The following PIGU variants were observed in gnomAD, a reference collection of about 807,000 sequenced individuals.
PIGU encodes the protein phosphatidylinositol glycan anchor biosynthesis class U, also known as GPI-anchor transamidase component PIGU.
A neutral mutation model predicts 49.9 loss-of-function variants in PIGU; 24 were observed. That is an observed-to-expected ratio of 0.48 (90% CI 0.35 to 0.68). PIGU has a LOEUF of 0.68. PIGU is among the 30% of genes least tolerant of loss of function. The pLI is 0.01. For missense variants in PIGU, 490 were observed against 532.6 expected (o/e 0.92, Z 0.79); for synonymous variants, 220 against 205.7 (o/e 1.07, Z -0.59).
intron 2 of PIGU, among the ~76,000 whole-genome samples, chr20:34,650,358 A>G (rs1247311259): frequency 6.7e-6 from 1 of 150,350 alleles, no homozygotes; most frequent in Non-Finnish European, 1.5e-5. Context: ...GCAACCTCCA[A>G]CTCCTGGGCT....
intron 11 of PIGU, among the ~76,000 whole-genome samples, chr20:34,567,496 C>T (rs956708798): frequency 6.6e-6 from 1 of 152,154 alleles, no homozygotes; most frequent in Non-Finnish European, 1.5e-5. Flanking sequence ...TTTGAGGAAA[C>T]TGAGGCCACC....
intron 2 of PIGU, among the ~76,000 whole-genome samples, chr20:34,645,540 G>C (rs1294931581): frequency 6.6e-6 from 1 of 152,088 alleles, no homozygotes; most frequent in East Asian, 1.9e-4. Context: ...GTGCTGCTGG[G>C]ACTATCTGTT....
rs111704801 is a variant in PIGU at position 34,645,075 on chromosome 20, C to T, written c.255+200G>A. ...TTTTCTTAAACACAAGATGACAAGCCGGGCACTGTGTCATGTGTCCATAGT... is the reference window on the plus strand; with the variant it reads ...TTTTCTTAAACACAAGATGACAAGCTGGGCACTGTGTCATGTGTCCATAGT... On this transcript the variant is annotated intron_variant, in intron 3 of 11. Transcript: ENST00000217446. Among the ~76,000 whole-genome samples, 658 of 150,930 alleles carry T rather than the reference C, an allele frequency of 4.4e-3. 2 individuals are homozygous for T. Among genetic ancestry groups the T allele is most frequent in the Non-Finnish European group, 8.0e-3 (541 of 67,862 alleles).
At position 34,655,602 on chromosome 20, in the gene PIGU, A is replaced by C. The variant is rs948580135; in HGVS notation, c.195+1578T>G. Among the ~76,000 whole-genome samples the C allele has an allele frequency of 2.5e-5, 3 of 121,554 alleles. 1 individual carries two copies. The highest frequency in any genetic ancestry group is 5.3e-5 in the Non-Finnish European group (3 of 56,694). 79.7% of individuals were successfully genotyped at this position (121,554 alleles called of 152,430 possible). On this transcript the variant is annotated intron_variant, in intron 2 of 11. Transcript: ENST00000217446. Reference sequence around the variant, plus strand: ...GGCAGGAGAATGGCGTGAACCCAGGAGGCAGAGCTTGCAGTGAGCCAAGAT... The same window carrying C: ...GGCAGGAGAATGGCGTGAACCCAGGCGGCAGAGCTTGCAGTGAGCCAAGAT...
chr20:34,653,432 T>C (rs1986605356), intron 2 of PIGU, among the ~76,000 whole-genome samples: 1 of 152,240 alleles, frequency 6.6e-6, no homozygotes, highest in Admixed American at 6.5e-5. Flanking sequence ...ATTTGATACA[T>C]AAGCATTTAG....
intron 1 of PIGU, among the ~76,000 whole-genome samples, chr20:34,662,187 C>T (rs1986948376): frequency 6.6e-6 from 1 of 152,120 alleles, no homozygotes; most frequent in Admixed American, 6.6e-5. Context: ...ATCCTCCCAC[C>T]TCAGCCTCTC....
chr20:34,619,567 C>T (rs569150893), intron 6 of PIGU, among the ~76,000 whole-genome samples: 70 of 152,330 alleles, frequency 4.6e-4, no homozygotes, highest in Non-Finnish European at 8.4e-4. Context: ...TGCTCCAACT[C>T]CATCCATTCC....
At chr20:34,620,643 C>T (rs1311057944) in intron 6 of PIGU, among the ~76,000 whole-genome samples, 1 of 151,822 alleles carries the variant, frequency 6.6e-6, no homozygotes, top group Non-Finnish European at 1.5e-5. Flanking sequence ...AACCCTGTTT[C>T]TACTAAAAAT....
intron 1 of PIGU, among the ~76,000 whole-genome samples, chr20:34,658,318 G>A (rs1205431128): frequency 2.6e-5 from 4 of 152,228 alleles, no homozygotes; most frequent in African/African-American, 9.6e-5. Flanking sequence ...AGGCTGGAGT[G>A]CAGTGGCGTG....
At chr20:34,637,738 T>C (rs1236518774) in intron 5 of PIGU, 138 bp downstream of exon 5, 4 of 1,489,984 alleles carry the variant, frequency 2.7e-6, no homozygotes, top group East Asian at 5.0e-5. Context: ...CAGAGCCCAG[T>C]TGTGCAACAG....
chr20:34,564,454 GCCCA>G (rs1036705359), intron 11 of PIGU, among the ~76,000 whole-genome samples: 3 of 152,216 alleles, frequency 2.0e-5, no homozygotes, highest in Non-Finnish European at 2.9e-5. Context: ...GATCCCTTAA[GCCCA>G]GGAGGTCGAC....
chr20:34,657,123 G>GGTGACT, intron 2 of PIGU, 57 bp downstream of exon 2: 1 of 1,291,910 alleles, frequency 7.7e-7, no homozygotes, highest in Admixed American at 1.8e-5. Flanking sequence ...GTTAGGCTTT[G>GGTGACT]GTATCTGTGA....
chr20:34,631,745 A>T (rs1985736778), intron 6 of PIGU, among the ~76,000 whole-genome samples: 2 of 3,036 alleles, frequency 6.6e-4, no homozygotes, highest in African/African-American at 3.0e-3. Context: ...ATATATATAT[A>T]TATATATATA....
intron 1 of PIGU, among the ~76,000 whole-genome samples, chr20:34,668,698 G>A (rs1205759632): frequency 6.6e-6 from 1 of 150,768 alleles, no homozygotes; most frequent in Non-Finnish European, 1.5e-5. Flanking sequence ...GAAACCGGAA[G>A]GCGGAGCTTG....
At chr20:34,626,425 C>G (rs552636679) in intron 6 of PIGU, among the ~76,000 whole-genome samples, 2 of 151,918 alleles carry the variant, frequency 1.3e-5, no homozygotes, top group Admixed American at 6.6e-5. Context: ...GCCTCAGCCT[C>G]CCGAGTAGTT....
intron 6 of PIGU, among the ~76,000 whole-genome samples, chr20:34,632,525 G>A (rs1205621483): frequency 1.3e-5 from 2 of 151,856 alleles, no homozygotes; most frequent in Admixed American, 6.6e-5. Context: ...CCACCACCAC[G>A]CCCAGCTAAT....
rs533891092 is a variant in PIGU at position 34,622,360 on chromosome 20, T to C, written c.530-6221A>G. On this transcript the variant is annotated intron_variant, in intron 6 of 11. Coordinates refer to ENST00000217446, the MANE Select transcript of PIGU (RefSeq NM_080476.5). ...GGTGAAGCCCCATCTCTACTAAAAA[T>C]ACAAAAATTAGCCGGATGTGGTGGC... Among the ~76,000 whole-genome samples, 186 of 151,670 alleles carry C rather than the reference T, an allele frequency of 1.2e-3. 2 individuals carry two copies. Among genetic ancestry groups the C allele is most frequent in the African/African-American group, 4.2e-3 (174 of 41,278 alleles).
At chr20:34,651,011 G>T (rs1986527111) in intron 2 of PIGU, among the ~76,000 whole-genome samples, 1 of 152,098 alleles carries the variant, frequency 6.6e-6, no homozygotes, top group Non-Finnish European at 1.5e-5. Context: ...ACCATGCCCA[G>T]CCAATGGTTG....
intron 4 of PIGU, among the ~76,000 whole-genome samples, chr20:34,642,535 T>C (rs181509117): frequency 7.2e-5 from 11 of 151,952 alleles, no homozygotes; most frequent in African/African-American, 2.4e-5. Context: ...TCAACTTTCA[T>C]TAAAACACAG....
Sources: allele counts gnomAD v4.1 joint callset (sites outside exome capture counted in the v4.1 genomes callset), GRCh38; gene constraint gnomAD v4.1.1; transcripts MANE v1.5; gene names NCBI Gene and HGNC (gene_info 2026-07-23, HGNC 2026-07-21).